DNAH14: variants seen among roughly 807,000 people sequenced by gnomAD.
DNAH14 encodes dynein axonemal heavy chain 14, also known as axonemal beta dynein heavy chain 14.
DNAH14 carries 478 observed loss-of-function variants against 520.9 expected under a neutral mutation model. That is an observed-to-expected ratio of 0.92 (90% CI 0.85 to 0.99). The LOEUF (loss-of-function observed/expected upper bound fraction) is 0.99. Among genes scored for constraint, DNAH14 ranks in the 50% least tolerant of loss-of-function variants. The pLI, the probability that DNAH14 is intolerant of heterozygous loss-of-function variation, is 0.00. For synonymous variants in DNAH14, 1,581 were observed against 1,757.2 expected (o/e 0.90, Z 2.51); for missense variants, 4,831 against 5,234.5 (o/e 0.92, Z 2.38).
chr1:225,297,726 G>C (rs761293929), intron 55 of DNAH14, among the ~76,000 whole-genome samples: 7 of 152,244 alleles, frequency 4.6e-5, no homozygotes, highest in Non-Finnish European at 1.0e-4. Flanking sequence ...TCACCAGGCT[G>C]TTTCTCATGT....
chr1:225,337,211 C>A, intron 66 of DNAH14, 55 bp from the exon 67 acceptor site: 1 of 1,395,780 alleles, frequency 7.2e-7, no homozygotes, highest in South Asian at 1.3e-5. Context: ...CTGTAGGATA[C>A]TAAAGATGTG....
intron 17 of DNAH14, among the ~76,000 whole-genome samples, chr1:225,068,552 C>T (rs2071182291): frequency 6.6e-6 from 1 of 152,164 alleles, no homozygotes; most frequent in South Asian, 2.1e-4. Flanking sequence ...TAGCCATTTT[C>T]ACAATACTGA....
Position 225,185,284 on chromosome 1 carries a change from G to C in DNAH14, c.5536-7G>C, listed in dbSNP as rs1203440072. The C allele has an allele frequency of 6.5e-7, 1 of 1,538,176 alleles. No individual in the cohort carries two copies. Among genetic ancestry groups the C allele is most frequent in the Non-Finnish European group, 8.7e-7 (1 of 1,143,024 alleles). ...ATGAATGAATAAATCTGTAAATTTT[G>C]TTTTAGGTTTGTGTTGGTGTGATGT... On this transcript the variant is annotated splice_region_variant and splice_polypyrimidine_tract_variant and intron_variant, in intron 36 of 85. Coordinates refer to ENST00000682510, the MANE Select transcript of DNAH14 (RefSeq NM_001367479.1).
chr1:225,394,110 C>G (rs957843928), intron 84 of DNAH14, among the ~76,000 whole-genome samples: 5 of 152,148 alleles, frequency 3.3e-5, no homozygotes, highest in Admixed American at 2.0e-4. Context: ...TGAGCCACCG[C>G]GCCCGGCCAC....
intron 27 of DNAH14, among the ~76,000 whole-genome samples, chr1:225,124,455 T>C (rs1019030533): frequency 2.6e-5 from 4 of 152,234 alleles, no homozygotes; most frequent in Admixed American, 2.0e-4. Context: ...AATCCTTTTT[T>C]GTCATTTCAA....
Position 224,974,113 on chromosome 1 carries a change from T to A in DNAH14, c.790T>A (p.Trp264Arg). 2.0e-6 allele frequency: 3 copies of A among 1,504,860 alleles called. No homozygotes were observed. The highest frequency in any genetic ancestry group is 2.7e-6 in the Non-Finnish European group (3 of 1,121,544). 93.2% of individuals were successfully genotyped at this position (1,504,860 alleles called of 1,614,324 possible). A position where few individuals can be genotyped will look rare whatever the true frequency, so the allele number is the denominator to read the frequency against. Residue 264 changes from tryptophan (W) to arginine (R), a missense_variant, in exon 8 of 86, where the codon TGG (tryptophan) becomes AGG (arginine). Coordinates refer to ENST00000682510, the MANE Select transcript of DNAH14 (RefSeq NM_001367479.1). ...CAGAATGAATAAAGCATTTGTTACCTGGAAATTGAATGTTAAAAGAATTAA... is the reference window on the plus strand; with the variant it reads ...CAGAATGAATAAAGCATTTGTTACCAGGAAATTGAATGTTAAAAGAATTAA... ...DFRMNKAFVT[W>R]KLNVKRIKTE...
chr1:225,342,081 C>T (rs2095195488), intron 69 of DNAH14, among the ~76,000 whole-genome samples: 1 of 152,182 alleles, frequency 6.6e-6, no homozygotes, highest in African/African-American at 2.4e-5. Context: ...ATAATGTCCA[C>T]TTCTGATTAC....
intron 36 of DNAH14, among the ~76,000 whole-genome samples, chr1:225,180,100 A>T (rs1243203814): frequency 1.3e-5 from 2 of 152,142 alleles, no homozygotes; most frequent in African/African-American, 2.4e-5. Context: ...TATTTGAGTT[A>T]AATCTGCTTG....
Position 225,100,754 on chromosome 1 carries a change from C to T in DNAH14, c.3737C>T (p.Ser1246Phe). Reference sequence around the variant, plus strand: ...ACAGAACTTTTCTCTCAAGTGATTTCCATGTGGAAAAAAATAATGTCAAAA... The same window carrying T: ...ACAGAACTTTTCTCTCAAGTGATTTTCATGTGGAAAAAAATAATGTCAAAA... ...AETELFSQVISMWKKIMSKIQ... is the reference protein window; with the variant it reads ...AETELFSQVIFMWKKIMSKIQ... Residue 1246 changes from serine to phenylalanine, a missense_variant, in exon 23 of 86, where the codon TCC becomes TTC. Coordinates refer to ENST00000682510, the MANE Select transcript of DNAH14 (RefSeq NM_001367479.1). 6.5e-7 allele frequency: 1 copy of T among 1,533,436 alleles called. No homozygotes were observed. The highest frequency in any genetic ancestry group is 8.8e-7 in the Non-Finnish European group (1 of 1,141,348). The allele number at this position is 1,533,436 out of a possible 1,614,324, so 95.0% of individuals were successfully genotyped here. A position where few individuals can be genotyped will look rare whatever the true frequency, so the allele number is the denominator to read the frequency against.
chr1:225,071,985 C>T (rs1015356646), intron 17 of DNAH14, among the ~76,000 whole-genome samples: 6 of 152,208 alleles, frequency 3.9e-5, no homozygotes, highest in African/African-American at 1.4e-4. Flanking sequence ...AACATTTTTT[C>T]TTTCATTTTG....
At chr1:225,010,179 C>A (rs1396948887) in intron 10 of DNAH14, among the ~76,000 whole-genome samples, 1 of 152,122 alleles carries the variant, frequency 6.6e-6, no homozygotes, top group Non-Finnish European at 1.5e-5. Context: ...TGCCAGTTTT[C>A]AAAGGGAATG....
intron 41 of DNAH14, among the ~76,000 whole-genome samples, chr1:225,220,279 A>G (rs1184264915): frequency 6.6e-6 from 1 of 152,168 alleles, no homozygotes; most frequent in Non-Finnish European, 1.5e-5. Flanking sequence ...ACCACTCCTA[A>G]TCAACATAGT....
Position 225,316,666 on chromosome 1 carries a change from C to T in DNAH14, c.9241-1917C>T, listed in dbSNP as rs1241583573. 2.6e-5 allele frequency among the ~76,000 whole-genome samples: 4 copies of T among 152,148 alleles called. No individual in the cohort carries two copies. The East Asian group carries it at 7.7e-4, about 29-fold the overall frequency. ...GATGCCCCACCCTGCTTCAGTTCTC[C>T]CTCCATGGGCTGCACCCACTGTCTA... On this transcript the variant is annotated intron_variant, in intron 60 of 85. Coordinates refer to ENST00000682510, the MANE Select transcript of DNAH14 (RefSeq NM_001367479.1).
chr1:225,208,709 T>G (rs1196695584), intron 41 of DNAH14, among the ~76,000 whole-genome samples: 2 of 152,128 alleles, frequency 1.3e-5, no homozygotes, highest in South Asian at 4.1e-4. Context: ...TGACAAAAAG[T>G]AAAAACCCAC....
intron 30 of DNAH14, 79 bp downstream of exon 30, chr1:225,145,458 A>G: frequency 1.7e-6 from 2 of 1,186,498 alleles, no homozygotes; most frequent in Admixed American, 2.9e-5. Flanking sequence ...ATAAAAGAAC[A>G]AGAAAAATAT....
At chr1:225,354,903 C>G (rs1011863029) in intron 73 of DNAH14, among the ~76,000 whole-genome samples, 15 of 152,132 alleles carry the variant, frequency 9.9e-5, no homozygotes, top group Non-Finnish European at 1.6e-4. Context: ...AAAATTCTCT[C>G]TATGTAGAGA....
At chr1:225,264,577 C>A (rs908278619) in intron 47 of DNAH14, among the ~76,000 whole-genome samples, 2 of 152,090 alleles carry the variant, frequency 1.3e-5, no homozygotes, top group Admixed American at 1.3e-4. Flanking sequence ...CTGTTTGATG[C>A]TTTTAGACAT....
In DNAH14 at chr1:224,964,552, G is replaced by A. The variant is rs371936326; in HGVS notation, c.441G>A (p.Pro147=). The A allele has an allele frequency of 9.5e-5, 153 of 1,608,022 alleles. 2 individuals carry two copies. The South Asian group carries it at 1.3e-3, about 13-fold the overall frequency. Reference sequence around the variant, plus strand: ...AGCTTGGTTGGCAAACTATATTACCGCAGCACAGTTTGAAATACGGAAGCT... The same window carrying A: ...AGCTTGGTTGGCAAACTATATTACCACAGCACAGTTTGAAATACGGAAGCT... ...REKLGWQTIL[P]QHSLKYGSSK... Residue 147 remains proline (P), a synonymous_variant, in exon 5 of 86, where the codon CCG becomes CCA. Transcript: ENST00000682510.
At chr1:224,965,688 GA>G (rs2061124498) in intron 5 of DNAH14, among the ~76,000 whole-genome samples, 1 of 152,088 alleles carries the variant, frequency 6.6e-6, no homozygotes, top group Non-Finnish European at 1.5e-5. Context: ...ACCTGGTTTT[GA>G]ACCTATACAC....
Sources: gnomAD v4.1 joint callset for allele counts (sites outside exome capture counted in the v4.1 genomes callset) on GRCh38, gnomAD v4.1.1 for gene constraint, MANE v1.5 for transcripts, NCBI Gene and HGNC (gene_info 2026-07-23, HGNC 2026-07-21) for gene names.